PSME3: variants seen among roughly 807,000 people sequenced by gnomAD.
PSME3 encodes the protein proteasome activator complex subunit 3.
A neutral mutation model predicts 38.3 loss-of-function variants in PSME3; 7 were observed. The ratio of observed to expected loss-of-function variants is 0.18; its 90% CI spans 0.10 to 0.34. The LOEUF is 0.34. PSME3 is among the 10% of genes least tolerant of loss of function. PSME3 has a pLI of 1.00. For synonymous variants in PSME3, 108 were observed against 105.7 expected, an observed-to-expected ratio of 1.02 and a Z score of -0.13; for missense variants, 192 against 307.6, an observed-to-expected ratio of 0.62 and a Z score of 2.81.
intron 4 of PSME3, among the ~76,000 whole-genome samples, chr17:42,836,677 AGCCTCCCAGGTAG>A (rs1422263029): frequency 2.0e-5 from 3 of 151,924 alleles, no homozygotes; most frequent in Non-Finnish European, 4.4e-5. Flanking sequence ...CTCCTACCTC[AGCCTCCCAGGTAG>A]CTGGGACTAC....
At chr17:42,833,913 C>T in intron 1 of PSME3, 1 of 1,449,638 alleles carries the variant, frequency 6.9e-7, no homozygotes, top group Non-Finnish European at 9.0e-7. Context: ...ACGTGTTGGA[C>T]TCAGGGCTTT....
rs201575339 is a variant in PSME3, at chr17:42,839,021, G to A, written c.542+9G>A. ...CTGGACCAGATTTCTAGGTAGGGCT[G>A]CTTGGGCTTGGCCGAGGCGTTGGGG... is the stretch of plus-strand genomic sequence containing the variant. On this transcript the variant is annotated intron_variant, in intron 8 of 10. Transcript: ENST00000590720. 16 of 1,614,124 alleles carry A rather than the reference G, an allele frequency of 9.9e-6. No homozygotes were observed. The East Asian group carries it at 3.6e-4, about 36-fold the overall frequency.
chr17:42,841,163 T>C (rs972202648), intron 10 of PSME3, among the ~76,000 whole-genome samples: 1 of 150,748 alleles, frequency 6.6e-6, no homozygotes, highest in Non-Finnish European at 1.5e-5. Context: ...ATACAGTAAG[T>C]CTTCACTTAA....
chr17:42,834,495 G>A lies in PSME3; in HGVS notation c.76-20G>A. 6.2e-7 allele frequency: 1 copy of A among 1,610,412 alleles called. No homozygotes were observed. Among genetic ancestry groups the A allele is most frequent in the South Asian group, 1.1e-5 (1 of 90,976 alleles). On this transcript the variant is annotated intron_variant, in intron 2 of 10. Coordinates refer to ENST00000590720, the MANE Select transcript of PSME3 (RefSeq NM_005789.4). ...CCTTCCCACAGATATTAATTCAGCT[G>A]TATTTTCCCTCTTCCTTAGGCAGAA...
At position 42,842,728 on chromosome 17, in the gene PSME3, A is replaced by G. The variant is rs2055549595; in HGVS notation, c.*1150A>G. ...GAAATGTGCTGGGCAAGTCAAAACT[A>G]TAGAAGAGTTGCCTCCTGTCTCTCG... is the stretch of plus-strand genomic sequence containing the variant. On this transcript the variant is annotated 3_prime_UTR_variant, in exon 11 of 11. Transcript: ENST00000590720. 1.3e-5 allele frequency: 2 copies of G among 152,806 alleles called. No homozygotes were observed. The highest frequency in any genetic ancestry group is 2.9e-5 in the Non-Finnish European group (2 of 68,044). 9.5% of individuals were successfully genotyped at this position (152,806 alleles called of 1,614,324 possible).
At chr17:42,839,050 G>C (rs747764905) in intron 8 of PSME3, 38 bp downstream of exon 8, 1 of 1,607,426 alleles carries the variant, frequency 6.2e-7, no homozygotes, top group Non-Finnish European at 8.5e-7. Context: ...GTTGGGGGCT[G>C]ATGAGGTGGT....
At chr17:42,839,429 C>T in intron 10 of PSME3, 49 bp downstream of exon 10, 1 of 1,440,296 alleles carries the variant, frequency 6.9e-7, no homozygotes, top group African/African-American at 1.4e-5. Flanking sequence ...TCTCTTAGTT[C>T]TGTTGAGAGT....
In PSME3 at chr17:42,834,533, A is replaced by T. The variant is rs749182017; in HGVS notation, c.94A>T (p.Asn32Tyr). 1 of 1,613,502 alleles carries T rather than the reference A, an allele frequency of 6.2e-7. No homozygotes were observed. The highest frequency in any genetic ancestry group is 1.3e-5 in the African/African-American group (1 of 74,718). The stretch of plus-strand genomic sequence containing the variant: ...TCCTTAGGCAGAAGACTTGGTGGCA[A>T]ATTTTTTCCCAAAGAAGTTATTAGA... Reference protein sequence around the residue: ...ITSEAEDLVANFFPKKLLELD... With the variant: ...ITSEAEDLVAYFFPKKLLELD... The change falls in exon 3 of 11, where the codon AAT (asparagine) becomes TAT (tyrosine). Residue 32 changes from asparagine (N) to tyrosine (Y), a missense_variant. Physicochemically the swap from Asn to Tyr is moderately radical, Grantham distance 143. Transcript: ENST00000590720.
rs1217822677 is a variant in PSME3, at chr17:42,841,683, T to A, written c.*105T>A. 5.9e-6 allele frequency: 4 copies of A among 675,498 alleles called. No homozygotes were observed. The highest frequency in any genetic ancestry group is 7.0e-5 in the Admixed American group (2 of 28,734). The allele number at this position is 675,498 out of a possible 1,614,324, so 41.8% of individuals were successfully genotyped here. A position where few individuals can be genotyped will look rare whatever the true frequency, so the allele number is the denominator to read the frequency against. ...TGGGGAAACTGGCTGGAAATAGTAA[T>A]CACACCTCTCTGTTTTTAGTTAGAG... On this transcript the variant is annotated 3_prime_UTR_variant, in exon 11 of 11. Transcript: ENST00000590720.
Position 42,841,701 on chromosome 17 carries a change from A to G in PSME3, c.*123A>G, listed in dbSNP as rs1271294315. On this transcript the variant is annotated 3_prime_UTR_variant, in exon 11 of 11. Transcript: ENST00000590720. Reference sequence around the variant, plus strand: ...ATAGTAATCACACCTCTCTGTTTTTAGTTAGAGTCTAATGAAACTCTCATC... The same window carrying G: ...ATAGTAATCACACCTCTCTGTTTTTGGTTAGAGTCTAATGAAACTCTCATC... The G allele has an allele frequency of 4.9e-6, 3 of 606,216 alleles. No individual in the cohort carries two copies. The highest frequency in any genetic ancestry group is 3.8e-5 in the African/African-American group (2 of 52,952). 37.6% of individuals were successfully genotyped at this position (606,216 alleles called of 1,614,324 possible).
chr17:42,838,058 C>G (rs1449577086), intron 5 of PSME3, 35 bp from the exon 6 acceptor site: 1 of 1,609,600 alleles, frequency 6.2e-7, no homozygotes, highest in Admixed American at 1.7e-5. Flanking sequence ...GTCCTTCCCT[C>G]TTCCCTGATC....
rs758207495 is a variant in PSME3, at chr17:42,834,860, A to G, written c.227A>G (p.His76Arg). 1.9e-6 allele frequency: 3 copies of G among 1,613,942 alleles called. No homozygotes were observed. The highest frequency in any genetic ancestry group is 1.1e-5 in the South Asian group (1 of 91,076). ...VPDPILLTNS[H>R]DGLDGPTYKK... ...GACCCCATTCTTCTCACCAATAGCC[A>G]TGATGGACTGGATGGTGTAAGTGTC... The change falls in exon 4 of 11, where the codon CAT becomes CGT. Residue 76 changes from histidine (H) to arginine (R), a missense_variant. This residue lies in a region of PSME3 where 110 missense variants were observed against 139.3 expected (regional missense o/e 0.79). Transcript: ENST00000590720.
Position 42,837,651 on chromosome 17 carries a change from CACT to C in PSME3, c.247_249del (p.Thr83del). ...TCCCTGCCTCTTTGTATCCTTAGCC[CACT>C]TATAAGAAGCGAAGGTTGGATGAGT... is the stretch of plus-strand genomic sequence containing the variant. On this transcript the variant is annotated inframe_deletion, in exon 5 of 11. Coordinates refer to ENST00000590720, the MANE Select transcript of PSME3 (RefSeq NM_005789.4). The C allele has an allele frequency of 1.2e-6, 2 of 1,614,086 alleles. No homozygotes were observed. The highest frequency in any genetic ancestry group is 1.7e-6 in the Non-Finnish European group (2 of 1,180,008).
chr17:42,834,470 C>G (rs1002626624), intron 2 of PSME3, 45 bp from the exon 3 acceptor site: 9 of 1,467,304 alleles, frequency 6.1e-6, no homozygotes, highest in Non-Finnish European at 1.9e-6. Context: ...GAGAGAGAGA[C>G]CTTCCCACAG....
At position 42,841,690 on chromosome 17, in the gene PSME3, T is replaced by A; in HGVS notation, c.*112T>A. The A allele has an allele frequency of 1.6e-6, 1 of 641,880 alleles. No individual in the cohort carries two copies. The highest frequency in any genetic ancestry group is 2.5e-6 in the Non-Finnish European group (1 of 393,894). 39.8% of individuals were successfully genotyped at this position (641,880 alleles called of 1,614,324 possible). On this transcript the variant is annotated 3_prime_UTR_variant, in exon 11 of 11. Coordinates refer to ENST00000590720, the MANE Select transcript of PSME3 (RefSeq NM_005789.4). ...ACTGGCTGGAAATAGTAATCACACC[T>A]CTCTGTTTTTAGTTAGAGTCTAATG...
At position 42,841,824 on chromosome 17, in the gene PSME3, A is replaced by G. The variant is rs1447512577; in HGVS notation, c.*246A>G. ...CCCAACCTGTCGTAATTTCTGGAGA[A>G]CTCCAGGTTTGTGTGTGCAGGATGT... is the stretch of plus-strand genomic sequence containing the variant. On this transcript the variant is annotated 3_prime_UTR_variant, in exon 11 of 11. Coordinates refer to ENST00000590720, the MANE Select transcript of PSME3 (RefSeq NM_005789.4). 2.0e-5 allele frequency: 7 copies of G among 355,338 alleles called. No individual in the cohort carries two copies. Among genetic ancestry groups the G allele is most frequent in the Non-Finnish European group, 3.0e-5 (6 of 197,010 alleles). The allele number at this position is 355,338 out of a possible 1,614,324, so 22.0% of individuals were successfully genotyped here.
At chr17:42,833,942 A>G in intron 1 of PSME3, 1 of 1,439,956 alleles carries the variant, frequency 6.9e-7, no homozygotes. Context: ...GACAGCTGGT[A>G]ATCCCCCAGC....
intron 10 of PSME3, among the ~76,000 whole-genome samples, chr17:42,839,977 C>T (rs1158133444): frequency 6.7e-6 from 1 of 148,736 alleles, no homozygotes; most frequent in African/African-American, 2.5e-5. Context: ...GCCTGGGCAA[C>T]AAGAGCGAAA....
In PSME3 at chr17:42,833,509, A is replaced by G; in HGVS notation, c.-123A>G. The G allele has an allele frequency of 8.1e-7, 1 of 1,241,426 alleles. No homozygotes were observed. The highest frequency in any genetic ancestry group is 1.9e-5 in the Admixed American group (1 of 51,600). 76.9% of individuals were successfully genotyped at this position (1,241,426 alleles called of 1,614,324 possible). On this transcript the variant is annotated 5_prime_UTR_variant, in exon 1 of 11. Transcript: ENST00000590720. ...AGAGGGAGGGAGCGAGCGAGCAGTG[A>G]GTAAGCCAGCAAGGGCGGTCGGGTC...
Sources: gnomAD v4.1 joint callset for allele counts (sites outside exome capture counted in the v4.1 genomes callset) on GRCh38, gnomAD v4.1.1 for gene constraint, gnomAD v4.1.1 regional missense constraint, MANE v1.5 for transcripts, NCBI Gene and HGNC (gene_info 2026-07-23, HGNC 2026-07-21) for gene names.